The following TNPO1 variants were observed in gnomAD, a reference collection of about 807,000 sequenced individuals.
TNPO1 encodes the protein transportin 1, also known as transportin-1.
Under a neutral mutation model 119.5 loss-of-function variants are expected in TNPO1, and 8 were observed. The observed-to-expected ratio is 0.07, with a 90% CI of 0.04 to 0.12. TNPO1 has a LOEUF of 0.12. Among genes scored for constraint, TNPO1 ranks in the 10% least tolerant of loss-of-function variants. The pLI is 1.00. For synonymous variants in TNPO1, 362 were observed against 363.0 expected, an observed-to-expected ratio of 1.00 and a Z score of 0.03; for missense variants, 576 against 1,089.8, an observed-to-expected ratio of 0.53 and a Z score of 6.64.
intron 5 of TNPO1, 57 bp from the exon 6 acceptor site, chr5:72,865,539 G>T: frequency 6.3e-7 from 1 of 1,584,300 alleles, no homozygotes; most frequent in African/African-American, 1.4e-5. Flanking sequence ...TCTTCAGTTT[G>T]TTTTCAAATG....
At chr5:72,821,899 G>T (rs933570082) in intron 1 of TNPO1, among the ~76,000 whole-genome samples, 13 of 152,108 alleles carry the variant, frequency 8.5e-5, no homozygotes, top group Non-Finnish European at 1.5e-4. Flanking sequence ...TATAGCAGGG[G>T]TCCACAAACT....
intron 1 of TNPO1, among the ~76,000 whole-genome samples, chr5:72,823,950 C>T (rs1360480195): frequency 6.6e-6 from 1 of 152,146 alleles, no homozygotes; most frequent in Non-Finnish European, 1.5e-5. Context: ...CTTTTCCCAT[C>T]CTCACCTTCA....
rs777232295 is a variant in TNPO1, at chr5:72,900,857, CTT to C, written c.2415-114_2415-113del. ...CGAAACTAAAGCTTTCCGAAAAACT[CTT>C]TTAATATAATCATTATCTATACTGT... On this transcript the variant is annotated intron_variant, in intron 21 of 24. Transcript: ENST00000337273. 346 of 570,876 alleles carry C rather than the reference CTT, an allele frequency of 6.1e-4. 1 individual carries two copies. The Middle Eastern group carries it at 9.6e-3, about 16-fold the overall frequency. 35.4% of individuals were successfully genotyped at this position (570,876 alleles called of 1,614,324 possible). A position where few individuals can be genotyped will look rare whatever the true frequency, so the allele number is the denominator to read the frequency against.
At chr5:72,820,639 G>A (rs533876281) in intron 1 of TNPO1, among the ~76,000 whole-genome samples, 90 of 152,260 alleles carry the variant, frequency 5.9e-4, no homozygotes, top group African/African-American at 2.0e-3. Flanking sequence ...GGCTCAGAGC[G>A]TTCGAGCCTG....
intron 8 of TNPO1, among the ~76,000 whole-genome samples, chr5:72,876,100 G>GT (rs1747748180): frequency 6.6e-6 from 1 of 152,150 alleles, no homozygotes; most frequent in Non-Finnish European, 1.5e-5. Flanking sequence ...AGGTAGGCCT[G>GT]TTTTTTCTTT....
intron 1 of TNPO1, 45 bp from the exon 2 acceptor site, chr5:72,848,340 A>C (rs751079526): frequency 7.6e-6 from 12 of 1,580,180 alleles, no homozygotes; most frequent in Middle Eastern, 1.7e-4. Context: ...GTGCACCGGG[A>C]GTAACAGTTG....
chr5:72,901,193 A>T, intron 22 of TNPO1, 120 bp downstream of exon 22: 1 of 594,018 alleles, frequency 1.7e-6, no homozygotes, highest in Non-Finnish European at 2.8e-6. Flanking sequence ...AATACAGTTA[A>T]ACCTTTAAAA....
intron 6 of TNPO1, among the ~76,000 whole-genome samples, chr5:72,872,278 C>T (rs997161970): frequency 2.0e-5 from 3 of 152,110 alleles, no homozygotes; most frequent in Non-Finnish European, 4.4e-5. Context: ...GACTATTCTC[C>T]ATTTTTAGTT....
intron 1 of TNPO1, among the ~76,000 whole-genome samples, chr5:72,844,014 C>A (rs1745024662): frequency 6.6e-6 from 1 of 152,178 alleles, no homozygotes; most frequent in African/African-American, 2.4e-5. Flanking sequence ...GGTAGTTCTA[C>A]TTAATAGTTA....
chr5:72,882,304 G>A (rs1037251706), intron 9 of TNPO1, among the ~76,000 whole-genome samples, 163 bp from the exon 10 acceptor site: 3 of 152,230 alleles, frequency 2.0e-5, no homozygotes, highest in South Asian at 2.1e-4. Flanking sequence ...CTCTATTAGC[G>A]TTTCTTCAGT....
intron 14 of TNPO1, among the ~76,000 whole-genome samples, chr5:72,890,672 T>G (rs769921671): frequency 1.3e-5 from 2 of 152,198 alleles, no homozygotes; most frequent in African/African-American, 4.8e-5. Context: ...TGAATGTCTT[T>G]AGAGTCTGTG....
intron 4 of TNPO1, among the ~76,000 whole-genome samples, chr5:72,856,540 C>G (rs1294062575): frequency 6.6e-6 from 1 of 152,158 alleles, no homozygotes; most frequent in Non-Finnish European, 1.5e-5. Flanking sequence ...GCTTGGAGTT[C>G]CTATTTTCTG....
chr5:72,907,448 A>T (rs901294828), intron 24 of TNPO1, among the ~76,000 whole-genome samples: 1 of 152,122 alleles, frequency 6.6e-6, no homozygotes, highest in East Asian at 1.9e-4. Context: ...CAGAGGCAGG[A>T]GAAAAGGGAT....
chr5:72,883,289 ATAATT>A lies in TNPO1; in HGVS notation c.1150+58_1150+62del, dbSNP rs1748384418. On this transcript the variant is annotated intron_variant, in intron 11 of 24. Coordinates refer to ENST00000337273, the MANE Select transcript of TNPO1 (RefSeq NM_002270.4). ...ACTTTGATGATAACTTTATTGGGGT[ATAATT>A]CATCTACTGTACAGTTTACTACCCA... 23 of 795,246 alleles carry A rather than the reference ATAATT, an allele frequency of 2.9e-5. No individual in the cohort carries two copies. In the South Asian group the frequency reaches 3.2e-4, roughly 11 times the overall value. 49.3% of individuals were successfully genotyped at this position (795,246 alleles called of 1,614,324 possible). A position where few individuals can be genotyped will look rare whatever the true frequency, so the allele number is the denominator to read the frequency against.
chr5:72,848,356 T>G, intron 1 of TNPO1, 29 bp from the exon 2 acceptor site: 1 of 1,602,362 alleles, frequency 6.2e-7, no homozygotes, highest in Non-Finnish European at 8.5e-7. Context: ...AGTTGCTCCG[T>G]CTCTTCCTGT....
At chr5:72,899,562 T>C (rs532300470) in intron 20 of TNPO1, among the ~76,000 whole-genome samples, 107 of 152,316 alleles carry the variant, frequency 7.0e-4, no homozygotes, top group South Asian at 1.7e-3. Flanking sequence ...TTGAGAAATA[T>C]AATCACATTT....
intron 6 of TNPO1, among the ~76,000 whole-genome samples, chr5:72,870,194 CTT>C (rs1177827708): frequency 8.1e-6 from 1 of 123,180 alleles, no homozygotes; most frequent in African/African-American, 3.1e-5. Flanking sequence ...GAGTTTCACT[CTT>C]GTCTCCCACA....
At chr5:72,890,703 A>G (rs142985277) in intron 14 of TNPO1, among the ~76,000 whole-genome samples, 36 of 152,280 alleles carry the variant, frequency 2.4e-4, no homozygotes, top group African/African-American at 4.3e-4. Context: ...CATGATCACT[A>G]TGTTTAGTCG....
In TNPO1 at chr5:72,855,940, C is replaced by G; in HGVS notation, c.355+17C>G. 1 of 1,611,342 alleles carries G rather than the reference C, an allele frequency of 6.2e-7. No homozygotes were observed. The highest frequency in any genetic ancestry group is 8.5e-7 in the Non-Finnish European group (1 of 1,178,572). On this transcript the variant is annotated intron_variant, in intron 4 of 24. Transcript: ENST00000337273. ...CCACTGTTGGTAAGTTATATTACAA[C>G]AGTTTTGCTTACTTTGTTTGTAACT...
Sources: allele counts gnomAD v4.1 joint callset (sites outside exome capture counted in the v4.1 genomes callset), GRCh38; gene constraint gnomAD v4.1.1; transcripts MANE v1.5; gene names NCBI Gene and HGNC (gene_info 2026-07-23, HGNC 2026-07-21).